TNFRSF19: variants seen among roughly 807,000 people sequenced by gnomAD.
The protein encoded by TNFRSF19 is tumor necrosis factor receptor superfamily member 19.
In TNFRSF19, 27 loss-of-function variants were observed where a neutral mutation model predicts 46.4. The ratio of observed to expected loss-of-function variants is 0.58; its 90% CI spans 0.43 to 0.80. TNFRSF19 has a LOEUF of 0.80. TNFRSF19 is among the 30% of genes least tolerant of loss of function. The probability of loss-of-function intolerance (pLI) is 0.00; values close to 1 mark genes in which losing one functional copy is unlikely to be tolerated. For synonymous variants in TNFRSF19, 204 were observed against 205.0 expected, an observed-to-expected ratio of 1.00 and a Z score of 0.04; for missense variants, 511 against 530.8, an observed-to-expected ratio of 0.96 and a Z score of 0.37.
chr13:23,580,736 T>G (rs762269121), intron 1 of TNFRSF19, among the ~76,000 whole-genome samples: 5 of 152,272 alleles, frequency 3.3e-5, no homozygotes, highest in Admixed American at 6.5e-5. Context: ...AAAGAAAGCT[T>G]CTTTGCATAA....
chr13:23,617,144 G>C (rs1298825458), intron 4 of TNFRSF19, among the ~76,000 whole-genome samples: 1 of 152,062 alleles, frequency 6.6e-6, no homozygotes. Context: ...CAGACAGAAG[G>C]AACCTCCAGC....
chr13:23,575,965 C>T (rs1877928946), intron 1 of TNFRSF19, among the ~76,000 whole-genome samples: 1 of 152,088 alleles, frequency 6.6e-6, no homozygotes, highest in African/African-American at 2.4e-5. Context: ...TAACTTTTAA[C>T]ATAAATCTTA....
chr13:23,660,898 TAAAG>T (rs1452033320), intron 7 of TNFRSF19, among the ~76,000 whole-genome samples: 2 of 152,170 alleles, frequency 1.3e-5, no homozygotes, highest in African/African-American at 4.8e-5. Context: ...TAGAATTTCT[TAAAG>T]AAGAGAGAGC....
rs183351471 is a variant in TNFRSF19 at position 23,662,508 on chromosome 13, A to G, written c.736+2018A>G. 1.6e-4 allele frequency among the ~76,000 whole-genome samples: 25 copies of G among 152,296 alleles called. No homozygotes were observed. The East Asian group carries it at 4.2e-3, about 26-fold the overall frequency. On this transcript the variant is annotated intron_variant, in intron 7 of 9. Coordinates refer to ENST00000248484, the MANE Select transcript of TNFRSF19 (RefSeq NM_148957.4). ...TGACTAGGATTGCCTTGGCTAATAC[A>G]GGGTCTATTTTGGTTCCATATGAAT...
rs369820179 is a variant in TNFRSF19 at position 23,590,227 on chromosome 13, C to G, written c.44C>G (p.Thr15Ser). ...VLLEQEKTFFTLLVLLGYLSC... is the reference protein window; with the variant it reads ...VLLEQEKTFFSLLVLLGYLSC... ...CTAGAACAAGAGAAAACGTTTTTCACTCTTTTAGTATTACTAGGCTATTTG... is the reference window on the plus strand; with the variant it reads ...CTAGAACAAGAGAAAACGTTTTTCAGTCTTTTAGTATTACTAGGCTATTTG... The change falls in exon 2 of 10, where the codon ACT (threonine) becomes AGT (serine). Residue 15 changes from threonine (T) to serine (S), a missense_variant. This residue lies in a region of TNFRSF19 where 121 missense variants were observed against 124.1 expected (regional missense o/e 0.98). Coordinates refer to ENST00000248484, the MANE Select transcript of TNFRSF19 (RefSeq NM_148957.4). The G allele has an allele frequency of 1.9e-6, 3 of 1,591,722 alleles. No homozygotes were observed. Among genetic ancestry groups the G allele is most frequent in the Admixed American group, 1.8e-5 (1 of 56,446 alleles).
intron 3 of TNFRSF19, among the ~76,000 whole-genome samples, chr13:23,611,570 C>G (rs1274875173): frequency 6.6e-6 from 1 of 152,060 alleles, no homozygotes; most frequent in East Asian, 1.9e-4. Context: ...GAGAGTGGCT[C>G]CTAAGAACCT....
At chr13:23,629,760 C>T (rs1001242328) in intron 5 of TNFRSF19, among the ~76,000 whole-genome samples, 3 of 152,196 alleles carry the variant, frequency 2.0e-5, no homozygotes, top group Non-Finnish European at 4.4e-5. Flanking sequence ...ATACCTGCCC[C>T]GGGGCAAGCT....
chr13:23,577,970 TG>T (rs1878079380), intron 1 of TNFRSF19, among the ~76,000 whole-genome samples: 1 of 151,454 alleles, frequency 6.6e-6, no homozygotes. Context: ...GTGAAGGAGG[TG>T]GTGGGCACCA....
intron 3 of TNFRSF19, among the ~76,000 whole-genome samples, chr13:23,593,820 G>A (rs7331456): frequency 5.9e-5 from 9 of 152,160 alleles, no homozygotes; most frequent in Non-Finnish European, 7.3e-5. Context: ...CAAGATGGCC[G>A]AATAGGAACA....
At chr13:23,632,291 T>C (rs1882405329) in intron 5 of TNFRSF19, among the ~76,000 whole-genome samples, 1 of 152,210 alleles carries the variant, frequency 6.6e-6, no homozygotes, top group Admixed American at 6.5e-5. Context: ...CTACTATGCA[T>C]TTTAAATGAG....
At position 23,625,657 on chromosome 13, in the gene TNFRSF19, T is replaced by C. The variant is rs189774040; in HGVS notation, c.360-1050T>C. Among the ~76,000 whole-genome samples the C allele has an allele frequency of 1.4e-4, 21 of 152,258 alleles. 1 individual carries two copies. In the East Asian group the frequency reaches 4.1e-3, roughly 29 times the overall value. On this transcript the variant is annotated intron_variant, in intron 4 of 9. Transcript: ENST00000248484. ...TTCTTACACATACATCTTTACCCAGTTGATTATTTCTTTAGGATGAGTTTC... is the reference window on the plus strand; with the variant it reads ...TTCTTACACATACATCTTTACCCAGCTGATTATTTCTTTAGGATGAGTTTC...
rs1951786347 is a variant in TNFRSF19 at position 23,673,364 on chromosome 13, T to G, written c.1246-8T>G. The G allele has an allele frequency of 4.4e-6, 7 of 1,599,926 alleles. No individual in the cohort carries two copies. The highest frequency in any genetic ancestry group is 6.0e-6 in the Non-Finnish European group (7 of 1,171,624). ...ATTTCTAAAGCTTCCTTTCTGTTGC[T>G]GTTTTAGGAAGCTTAAAGAACCTGC... is the stretch of plus-strand genomic sequence containing the variant. On this transcript the variant is annotated splice_polypyrimidine_tract_variant and splice_region_variant and intron_variant, in intron 9 of 9. Coordinates refer to ENST00000248484, the MANE Select transcript of TNFRSF19 (RefSeq NM_148957.4).
At chr13:23,657,580 G>A (rs1400457770) in intron 5 of TNFRSF19, among the ~76,000 whole-genome samples, 1 of 152,004 alleles carries the variant, frequency 6.6e-6, no homozygotes, top group Non-Finnish European at 1.5e-5. Context: ...AATAGAGAAC[G>A]CAAAATATGT....
intron 5 of TNFRSF19, among the ~76,000 whole-genome samples, chr13:23,640,004 A>G (rs1312676851): frequency 2.0e-5 from 3 of 152,196 alleles, no homozygotes; most frequent in Non-Finnish European, 4.4e-5. Context: ...AGTAAGGACC[A>G]TCAACTCACT....
intron 3 of TNFRSF19, among the ~76,000 whole-genome samples, chr13:23,606,345 A>C (rs1261484225): frequency 9.6e-6 from 1 of 104,584 alleles, no homozygotes; most frequent in Non-Finnish European, 2.0e-5. Flanking sequence ...CTGTTCCCAT[A>C]TTTATAATTT....
At chr13:23,620,180 T>C (rs1213215869) in intron 4 of TNFRSF19, among the ~76,000 whole-genome samples, 1 of 152,224 alleles carries the variant, frequency 6.6e-6, no homozygotes, top group African/African-American at 2.4e-5. Context: ...AGTTTAACTG[T>C]ACTTCTGTGA....
At chr13:23,658,965 A>C in intron 5 of TNFRSF19, 85 bp from the exon 6 acceptor site, 1 of 1,569,358 alleles carries the variant, frequency 6.4e-7, no homozygotes. Context: ...TGGGAAGGCC[A>C]CTGGTAAGGG....
intron 3 of TNFRSF19, among the ~76,000 whole-genome samples, chr13:23,596,617 T>C (rs1879748567): frequency 6.6e-6 from 1 of 152,094 alleles, no homozygotes; most frequent in African/African-American, 2.4e-5. Context: ...CTTAGAGACC[T>C]ACACAAAGAG....
At chr13:23,605,842 A>G (rs1880475059) in intron 3 of TNFRSF19, among the ~76,000 whole-genome samples, 1 of 152,220 alleles carries the variant, frequency 6.6e-6, no homozygotes, top group Non-Finnish European at 1.5e-5. Context: ...GAAGATTTTT[A>G]GGGCAGGGAA....
Sources: gnomAD v4.1 joint callset for allele counts (sites outside exome capture counted in the v4.1 genomes callset) on GRCh38, gnomAD v4.1.1 for gene constraint, gnomAD v4.1.1 regional missense constraint, MANE v1.5 for transcripts, NCBI Gene and HGNC (gene_info 2026-07-23, HGNC 2026-07-21) for gene names.